FCHO1: variants seen among roughly 807,000 people sequenced by gnomAD.
FCHO1 encodes the protein FCH and mu domain containing endocytic adaptor 1.
A neutral mutation model predicts 114.4 loss-of-function variants in FCHO1; 45 were observed. That is an observed-to-expected ratio of 0.39 (90% CI 0.31 to 0.50). FCHO1 has a LOEUF of 0.50. Among genes scored for constraint, FCHO1 ranks in the 20% least tolerant of loss-of-function variants. The pLI, the probability that FCHO1 is intolerant of heterozygous loss-of-function variation, is 0.77. For missense variants in FCHO1, 1,042 were observed against 1,209.6 expected (o/e 0.86, Z 2.06); for synonymous variants, 480 against 488.9 (o/e 0.98, Z 0.24).
chr19:17,761,670 C>T (rs1047006280), intron 4 of FCHO1, among the ~76,000 whole-genome samples: 1 of 144,406 alleles, frequency 6.9e-6, no homozygotes, highest in Non-Finnish European at 1.5e-5. Flanking sequence ...ACACTTCCCC[C>T]CCGCCCTGAG....
At chr19:17,759,003 G>A (rs1183438120) in intron 4 of FCHO1, among the ~76,000 whole-genome samples, 2 of 151,942 alleles carry the variant, frequency 1.3e-5, no homozygotes, top group Admixed American at 1.3e-4. Flanking sequence ...TAACATTCAA[G>A]CTTCCGGGTA....
chr19:17,766,858 G>C (rs760431404), intron 7 of FCHO1, 48 bp downstream of exon 7: 18 of 1,589,370 alleles, frequency 1.1e-5, no homozygotes, highest in Non-Finnish European at 1.5e-5. Flanking sequence ...GTGGAACACC[G>C]GCAGCTCACA....
At position 17,784,626 on chromosome 19, in the gene FCHO1, G is replaced by A. The variant is rs1197842474; in HGVS notation, c.2227-99G>A. 2.0e-5 allele frequency: 23 copies of A among 1,131,468 alleles called. No individual in the cohort carries two copies. The highest frequency in any genetic ancestry group is 1.5e-4 in the South Asian group (12 of 80,370). 70.1% of individuals were successfully genotyped at this position (1,131,468 alleles called of 1,614,324 possible). On this transcript the variant is annotated intron_variant, in intron 25 of 28. Transcript: ENST00000596536. This position sits in a 1 kb window ranked among gnomAD's most constrained non-coding sequence, Gnocchi z 5.3. ...CCCTGTGACTGGACCCCCTTGGGGC[G>A]GTGCGTGCATCGCAGGGTCAAGGTG...
intron 7 of FCHO1, 134 bp downstream of exon 7, chr19:17,766,944 G>A: frequency 9.9e-7 from 1 of 1,012,050 alleles, no homozygotes; most frequent in Non-Finnish European, 1.4e-6. Flanking sequence ...ACAACGTCAA[G>A]CCCAGGGTCT....
At chr19:17,757,402 G>T (rs571344588) in intron 4 of FCHO1, among the ~76,000 whole-genome samples, 2 of 152,128 alleles carry the variant, frequency 1.3e-5, no homozygotes, top group Non-Finnish European at 2.9e-5. Context: ...GCTCTGGGCG[G>T]TGGTGCCTGG....
intron 20 of FCHO1, 112 bp from the exon 21 acceptor site, chr19:17,781,119 G>A (rs2093366383): frequency 2.8e-6 from 2 of 717,296 alleles, no homozygotes; most frequent in Admixed American, 4.7e-5. Flanking sequence ...ACCCATTGGG[G>A]GTCTCTGCAG....
At chr19:17,768,123 A>T (rs536452338) in intron 7 of FCHO1, among the ~76,000 whole-genome samples, 12 of 152,236 alleles carry the variant, frequency 7.9e-5, no homozygotes, top group African/African-American at 2.4e-4. Flanking sequence ...GCTGGAGTGC[A>T]GTGTGCACAA....
chr19:17,764,643 T>C (rs559102613), intron 6 of FCHO1, among the ~76,000 whole-genome samples, 194 bp downstream of exon 6: 1 of 149,586 alleles, frequency 6.7e-6, no homozygotes, highest in South Asian at 2.1e-4. Context: ...GAGTGCCTTC[T>C]GTGTGCCAAG....
At chr19:17,770,627 G>T (rs959405902) in intron 8 of FCHO1, 50 bp downstream of exon 8, 11 of 1,589,316 alleles carry the variant, frequency 6.9e-6, no homozygotes, top group Non-Finnish European at 9.5e-6. Context: ...GGGCGGAGGG[G>T]CTGCCTGATC....
intron 7 of FCHO1, 25 bp downstream of exon 7, chr19:17,766,835 C>T (rs1309415140): frequency 1.9e-6 from 3 of 1,603,622 alleles, no homozygotes; most frequent in South Asian, 1.1e-5. Flanking sequence ...CGCCGCCCAG[C>T]GGCTGGGTGG....
chr19:17,783,162 C>G lies in FCHO1; in HGVS notation c.2083C>G (p.Leu695Val). The part of the protein sequence containing the change: ...AIEHFQPNAD[L>V]LFSDPSQSDP... ...TGAGCACTTCCAGCCCAACGCCGAT[C>G]TGCTGTTCAGGTACTATGGAGGGGC... Residue 695 changes from leucine (L) to valine (V), a missense_variant, in exon 24 of 29, where the codon CTG becomes GTG. Physicochemically the swap from Leu to Val is conservative, Grantham distance 32. Around this residue, in one of 3 missense-constraint regions of FCHO1, gnomAD observed 455 missense variants for 455.4 expected, o/e 1.00. Coordinates refer to ENST00000596536, the MANE Select transcript of FCHO1 (RefSeq NM_015122.3). The G allele has an allele frequency of 1.2e-6, 2 of 1,614,072 alleles. No individual in the cohort carries two copies. The highest frequency in any genetic ancestry group is 1.7e-6 in the Non-Finnish European group (2 of 1,179,962).
rs1163013387 is a variant in FCHO1 at position 17,770,487 on chromosome 19, C to T, written c.399C>T (p.Leu133=). ...AVQVLSGVSQ[L]LPKSRENYLN... ...AGGTACTCTCGGGCGTCAGCCAGCT[C>T]CTGCCCAAGTCCCGCGAGAACTACC... The change falls in exon 8 of 29, where the codon CTC becomes CTT. Residue 133 remains leucine, a synonymous_variant. Transcript: ENST00000596536. The T allele has an allele frequency of 7.4e-6, 12 of 1,613,964 alleles. No homozygotes were observed. The highest frequency in any genetic ancestry group is 1.0e-5 in the Non-Finnish European group (12 of 1,179,912).
Position 17,776,620 on chromosome 19 carries a change from G to C in FCHO1, c.1208-15G>C. On this transcript the variant is annotated splice_polypyrimidine_tract_variant and intron_variant, in intron 17 of 28. Coordinates refer to ENST00000596536, the MANE Select transcript of FCHO1 (RefSeq NM_015122.3). This position sits in a 1 kb window ranked among gnomAD's most constrained non-coding sequence, Gnocchi z 4.4. ...CAGGGTGACAAGAAGGCTGAAGGAG[G>C]TGCATCTCTTGTAGGGGACGCTGCT... The C allele has an allele frequency of 6.2e-7, 1 of 1,613,830 alleles. No individual in the cohort carries two copies. Among genetic ancestry groups the C allele is most frequent in the Non-Finnish European group, 8.5e-7 (1 of 1,179,844 alleles).
intron 9 of FCHO1, among the ~76,000 whole-genome samples, chr19:17,771,308 T>C (rs1386976569): frequency 2.0e-5 from 3 of 151,264 alleles, no homozygotes; most frequent in African/African-American, 7.3e-5. Context: ...ATCAGAACTT[T>C]TTTCAAGTTA....
intron 4 of FCHO1, among the ~76,000 whole-genome samples, chr19:17,757,204 A>AG (rs968649678): frequency 6.6e-6 from 1 of 150,718 alleles, no homozygotes; most frequent in African/African-American, 2.4e-5. Context: ...AAAAAAAAAA[A>AG]GACCACATTT....
intron 23 of FCHO1, among the ~76,000 whole-genome samples, chr19:17,782,269 C>G (rs1203027777): frequency 6.6e-6 from 1 of 152,138 alleles, no homozygotes; most frequent in African/African-American, 2.4e-5. Flanking sequence ...GTGGCGTGAT[C>G]TCAGTTCACT....
intron 4 of FCHO1, among the ~76,000 whole-genome samples, chr19:17,759,225 C>CTTTTTTTTT (rs2085055880): frequency 1.6e-4 from 2 of 12,322 alleles, no homozygotes; most frequent in African/African-American, 3.8e-4. Flanking sequence ...CAGCTGATTA[C>CTTTTTTTTT]CTTTTTTTTT....
rs1302917571 is a variant in FCHO1 at position 17,775,602 on chromosome 19, CTG to C, written c.1003+93_1003+94del. ...ACCAGTCCACCTTCAGCAGTCCTCT[CTG>C]TGTACATCCTGGAGAGAGTCTCCTT... On this transcript the variant is annotated intron_variant, in intron 15 of 28. Transcript: ENST00000596536. This position sits in a 1 kb window ranked among gnomAD's most constrained non-coding sequence, Gnocchi z 5.1. 8 of 1,206,826 alleles carry C rather than the reference CTG, an allele frequency of 6.6e-6. No individual in the cohort carries two copies. The highest frequency in any genetic ancestry group is 9.9e-6 in the Non-Finnish European group (8 of 811,402). The allele number at this position is 1,206,826 out of a possible 1,614,324, so 74.8% of individuals were successfully genotyped here.
At position 17,783,188 on chromosome 19, in the gene FCHO1, A is replaced by G. The variant is rs374902114; in HGVS notation, c.2093+16A>G. The G allele has an allele frequency of 3.1e-6, 5 of 1,609,434 alleles. No homozygotes were observed. In the African/African-American group the frequency reaches 5.3e-5, roughly 17 times the overall value. The stretch of plus-strand genomic sequence containing the variant: ...TGCTGTTCAGGTACTATGGAGGGGC[A>G]GTGGGAGAGGGCCTCGGAGGCTGCT... On this transcript the variant is annotated intron_variant, in intron 24 of 28. Transcript: ENST00000596536.
Sources: allele counts gnomAD v4.1 joint callset (sites outside exome capture counted in the v4.1 genomes callset), GRCh38; gene constraint gnomAD v4.1.1; regional missense constraint gnomAD v4.1.1; non-coding constraint Gnocchi (gnomAD v3.1); transcripts MANE v1.5; gene names NCBI Gene and HGNC (gene_info 2026-07-23, HGNC 2026-07-21).